USP26: variants seen among roughly 807,000 people sequenced by gnomAD.
USP26 encodes the protein ubiquitin carboxyl-terminal hydrolase 26.
For missense variants in USP26, 649 were observed against 642.3 expected (o/e 1.01, Z -0.11); for synonymous variants, 236 against 240.6 (o/e 0.98, Z 0.18).
At chrX:133,075,278 A>C (rs1367732405) in intron 5 of USP26, among the ~76,000 whole-genome samples, 1 of 112,147 alleles carries the variant, frequency 8.9e-6, no homozygotes, top group Non-Finnish European at 1.9e-5. Context: ...AGTGAATTTA[A>C]GTTACTTTTG....
At chrX:133,045,126 T>C (rs1019392129) in intron 5 of USP26, among the ~76,000 whole-genome samples, 1 of 111,833 alleles carries the variant, frequency 8.9e-6, no homozygotes, top group African/African-American at 3.3e-5. Context: ...AGCTAAGGGA[T>C]TGTGAATACA....
chrX:133,048,018 C>T (rs772305738), intron 5 of USP26, among the ~76,000 whole-genome samples: 5 of 111,971 alleles, frequency 4.5e-5, no homozygotes, highest in South Asian at 3.7e-4. Context: ...TGTTTTTCCA[C>T]GCTCACCAAT....
Position 133,027,507 on chromosome X carries a change from T to C in USP26, c.714A>G (p.Ser238=). The C allele has an allele frequency of 2.5e-6, 3 of 1,211,279 alleles. No homozygotes were observed. The highest frequency in any genetic ancestry group is 3.4e-6 in the Non-Finnish European group (3 of 895,164). Residue 238 remains serine, a synonymous_variant, in exon 6 of 6, where the codon TCA becomes TCG. Transcript: ENST00000511190. ...EENKKLECES[S]CIMNATGNPY... is the part of the protein sequence containing the mutation. ...GATTTCCAGTGGCGTTCATGATGCA[T>C]GAAGATTCACATTCCAATTTCTTAT...
At chrX:133,096,010 G>T (rs902264325) in intron 1 of USP26, among the ~76,000 whole-genome samples, 1 of 103,950 alleles carries the variant, frequency 9.6e-6, no homozygotes, top group African/African-American at 3.6e-5. Context: ...CTCCCAAAGT[G>T]CTGGGATTAC....
chrX:133,058,849 C>T (rs902816235), intron 5 of USP26, among the ~76,000 whole-genome samples: 3 of 111,116 alleles, frequency 2.7e-5, no homozygotes, highest in Admixed American at 1.9e-4. Context: ...CACTCTGTTG[C>T]CCAGGCTAGA....
intron 5 of USP26, among the ~76,000 whole-genome samples, chrX:133,048,096 T>C (rs561025545): frequency 8.9e-6 from 1 of 111,745 alleles, no homozygotes; most frequent in South Asian, 3.8e-4. Context: ...AGCCAGACTT[T>C]AAAGTCTCAA....
chrX:133,055,986 G>T (rs1192522601), intron 5 of USP26, among the ~76,000 whole-genome samples: 1 of 111,792 alleles, frequency 8.9e-6, no homozygotes, highest in East Asian at 2.8e-4. Context: ...ATACAATTCA[G>T]TCTGTAACAG....
chrX:133,079,638 T>G (rs2067562882), intron 5 of USP26, among the ~76,000 whole-genome samples: 1 of 111,477 alleles, frequency 9.0e-6, no homozygotes, highest in African/African-American at 3.3e-5. Flanking sequence ...ATGTTTAAAT[T>G]GTTAAAGATG....
intron 5 of USP26, among the ~76,000 whole-genome samples, chrX:133,058,187 T>C (rs934074033): frequency 1.8e-5 from 2 of 109,165 alleles, no homozygotes; most frequent in African/African-American, 6.7e-5. Flanking sequence ...TAAATTTGTT[T>C]AGGTGTTTCA....
chrX:133,032,738 G>T (rs995070009), intron 5 of USP26, among the ~76,000 whole-genome samples: 1 of 111,654 alleles, frequency 9.0e-6, no homozygotes, highest in African/African-American at 3.3e-5. Flanking sequence ...AGAAAAAAAT[G>T]ATTATAAGTA....
At chrX:133,065,257 G>C (rs187948838) in intron 5 of USP26, among the ~76,000 whole-genome samples, 465 of 111,159 alleles carry the variant, frequency 4.2e-3, no homozygotes, top group African/African-American at 0.015. Flanking sequence ...ACCAAAAAAA[G>C]CCCAGGACCA....
At chrX:133,072,161 G>A (rs1052303330) in intron 5 of USP26, among the ~76,000 whole-genome samples, 5 of 111,896 alleles carry the variant, frequency 4.5e-5, no homozygotes, top group Admixed American at 9.5e-5. Context: ...AATATACAAT[G>A]TCAACAGAGT....
chrX:133,096,310 A>G (rs1320493617), intron 1 of USP26, among the ~76,000 whole-genome samples: 1 of 110,106 alleles, frequency 9.1e-6, no homozygotes, highest in Non-Finnish European at 1.9e-5. Context: ...ATTCACAACT[A>G]TACTGTATAA....
chrX:133,085,836 AG>A (rs1302503143), intron 4 of USP26, among the ~76,000 whole-genome samples: 4 of 110,912 alleles, frequency 3.6e-5, no homozygotes, highest in Non-Finnish European at 7.6e-5. Context: ...AAAATTGATG[AG>A]GAAAAAAAAA....
At chrX:133,080,745 A>G (rs7887774) in intron 5 of USP26, among the ~76,000 whole-genome samples, 371 of 110,894 alleles carry the variant, frequency 3.3e-3, no homozygotes, top group African/African-American at 0.011. Flanking sequence ...AGAAGGTAGT[A>G]CTCTCTCATA....
Position 133,059,169 on chromosome X carries a change from G to A in USP26, c.-77+24538C>T, listed in dbSNP as rs766871931. Reference sequence around the variant, plus strand: ...CTGGTTTTAACTGAGCATTTCATACGATCTCCTTTCATCCCCTCTCCTAGC... The same window carrying A: ...CTGGTTTTAACTGAGCATTTCATACAATCTCCTTTCATCCCCTCTCCTAGC... On this transcript the variant is annotated intron_variant, in intron 5 of 5. Coordinates refer to ENST00000511190, the MANE Select transcript of USP26 (RefSeq NM_031907.3). 9.9e-5 allele frequency among the ~76,000 whole-genome samples: 11 copies of A among 110,801 alleles called. No individual in the cohort carries two copies. The South Asian group carries it at 2.4e-3, about 24-fold the overall frequency.
intron 5 of USP26, among the ~76,000 whole-genome samples, chrX:133,061,946 C>T (rs1032695429): frequency 1.8e-5 from 2 of 111,471 alleles, no homozygotes; most frequent in African/African-American, 6.5e-5. Context: ...CATTCATTCC[C>T]CTGAAAAGTT....
intron 4 of USP26, among the ~76,000 whole-genome samples, chrX:133,089,708 G>A (rs187580523): frequency 1.8e-4 from 20 of 112,317 alleles, no homozygotes; most frequent in African/African-American, 6.5e-4. Context: ...TGCCTATTGT[G>A]TACTAGATGC....
rs2067334470 is a variant in USP26, at chrX:133,023,852, T to C, written c.*1627A>G. On this transcript the variant is annotated 3_prime_UTR_variant, in exon 6 of 6. Transcript: ENST00000511190. ...CCTAGGCTTAAGAGCATCAACAAGC[T>C]CTTGGATTAATACAACTATACTGAA... 1.8e-5 allele frequency among the ~76,000 whole-genome samples: 2 copies of C among 111,806 alleles called. No individual in the cohort carries two copies. Among genetic ancestry groups the C allele is most frequent in the Non-Finnish European group, 3.8e-5 (2 of 53,122 alleles).
Sources: gnomAD v4.1 joint callset for allele counts (sites outside exome capture counted in the v4.1 genomes callset) on GRCh38, gnomAD v4.1.1 for gene constraint, MANE v1.5 for transcripts, NCBI Gene and HGNC (gene_info 2026-07-23, HGNC 2026-07-21) for gene names.